The following SUPT20H variants were observed in gnomAD, a reference collection of about 807,000 sequenced individuals.
The protein encoded by SUPT20H is SPT20 homolog, SAGA complex component, also known as transcription factor SPT20 homolog.
A neutral mutation model predicts 122.8 loss-of-function variants in SUPT20H; 82 were observed. That is an observed-to-expected ratio of 0.67 (90% confidence interval 0.56 to 0.80). The LOEUF (loss-of-function observed/expected upper bound fraction) is 0.80, where lower values mean the gene tolerates loss of function less well. Ranked by LOEUF, SUPT20H falls within the 30% of genes least tolerant of loss-of-function variation. The probability of loss-of-function intolerance (pLI) is 0.00; values close to 1 mark genes in which losing one functional copy is unlikely to be tolerated. For synonymous variants in SUPT20H, 291 were observed against 313.0 expected, an observed-to-expected ratio of 0.93 and a Z score of 0.74; for missense variants, 831 against 921.6, an observed-to-expected ratio of 0.90 and a Z score of 1.27.
chr13:37,025,161 C>T (rs762467684), intron 17 of SUPT20H, 159 bp downstream of exon 17: 16 of 611,266 alleles, frequency 2.6e-5, no homozygotes, highest in South Asian at 2.5e-4. Flanking sequence ...AGGCTGGTCT[C>T]GAACTCCCGA....
intron 5 of SUPT20H, among the ~76,000 whole-genome samples, chr13:37,046,113 T>C (rs1409474068): frequency 1.3e-5 from 2 of 152,104 alleles, no homozygotes; most frequent in Non-Finnish European, 2.9e-5. Context: ...TATCTTATAT[T>C]TAGTAAATAT....
chr13:37,044,078 C>G lies in SUPT20H; in HGVS notation c.396G>C (p.Gln132His). The G allele has an allele frequency of 6.2e-7, 1 of 1,605,358 alleles. No individual in the cohort carries two copies. Residue 132 changes from glutamine (Q) to histidine (H), a missense_variant and splice_region_variant, in exon 7 of 26, where the codon CAG (glutamine) becomes CAC (histidine). Physicochemically the swap from Gln to His is conservative, Grantham distance 24. Transcript: ENST00000350612. Reference protein sequence around the residue: ...PILVDLLEKSQVNIFHCGCVI... With the variant: ...PILVDLLEKSHVNIFHCGCVI... Reference sequence around the variant, plus strand: ...CATTTTAAAGACAAAAATTTTGTACCTGAGATTTTTCTAGGAGATCAACCA... The same window carrying G: ...CATTTTAAAGACAAAAATTTTGTACGTGAGATTTTTCTAGGAGATCAACCA...
intron 13 of SUPT20H, among the ~76,000 whole-genome samples, chr13:37,029,432 G>A (rs2062906261): frequency 6.6e-6 from 1 of 152,094 alleles, no homozygotes; most frequent in Non-Finnish European, 1.5e-5. Context: ...AGGAGGCTGA[G>A]GCAGGAGAAT....
chr13:37,045,492 T>A, intron 5 of SUPT20H, 119 bp from the exon 6 acceptor site: 2 of 1,276,442 alleles, frequency 1.6e-6, no homozygotes, highest in Non-Finnish European at 2.1e-6. Flanking sequence ...GCATTATGAT[T>A]CTGAATAAAT....
chr13:37,039,715 A>G (rs989087384), intron 9 of SUPT20H: 2 of 152,122 alleles, frequency 1.3e-5, no homozygotes, highest in Non-Finnish European at 2.9e-5. Flanking sequence ...TAATCTTAAA[A>G]AAAAAAAGTT....
At chr13:37,021,941 A>G (rs922247490) in intron 20 of SUPT20H, 70 bp downstream of exon 20, 2 of 1,484,078 alleles carry the variant, frequency 1.3e-6, no homozygotes, top group Non-Finnish European at 9.0e-7. Flanking sequence ...AATTTCACAC[A>G]TTAAGAATTT....
At chr13:37,057,250 A>T (rs764952787) in intron 1 of SUPT20H, 2 of 151,778 alleles carry the variant, frequency 1.3e-5, no homozygotes, top group Non-Finnish European at 2.9e-5. Flanking sequence ...AGCCATGATC[A>T]CACCACTGTA....
At chr13:37,014,826 G>A (rs978064536) in intron 23 of SUPT20H, among the ~76,000 whole-genome samples, 11 of 152,140 alleles carry the variant, frequency 7.2e-5, no homozygotes, top group Admixed American at 4.6e-4. Flanking sequence ...AAATAAAGAA[G>A]TGACTCTACA....
At chr13:37,029,591 T>C (rs1202562828) in intron 13 of SUPT20H, among the ~76,000 whole-genome samples, 174 bp downstream of exon 13, 1 of 152,110 alleles carries the variant, frequency 6.6e-6, no homozygotes. Context: ...ATGCAAAGCA[T>C]ACTCTGATAA....
At chr13:37,033,309 T>C in intron 10 of SUPT20H, 140 bp downstream of exon 10, 1 of 1,043,918 alleles carries the variant, frequency 9.6e-7, no homozygotes, top group Non-Finnish European at 1.3e-6. Context: ...GAGACTAGCC[T>C]GGGCAACAAA....
chr13:37,026,788 A>G lies in SUPT20H; in HGVS notation c.1178+2T>C. The G allele has an allele frequency of 7.0e-7, 1 of 1,420,888 alleles. No individual in the cohort carries two copies. Among genetic ancestry groups the G allele is most frequent in the Non-Finnish European group, 9.4e-7 (1 of 1,067,208 alleles). 88.0% of individuals were successfully genotyped at this position (1,420,888 alleles called of 1,614,324 possible). ...GATTAAAATAGTTTATTTTTTAATT[A>G]CCAATTTGAATGATCATCTGTGGAC... is the stretch of plus-strand genomic sequence containing the variant. On this transcript the variant is annotated splice_donor_variant, in intron 15 of 25. Coordinates refer to ENST00000350612, the MANE Select transcript of SUPT20H (RefSeq NM_001014286.3). LOFTEE classifies it high-confidence loss of function.
intron 23 of SUPT20H, 120 bp from the exon 24 acceptor site, chr13:37,012,417 G>C: frequency 1.6e-6 from 1 of 618,820 alleles, no homozygotes; most frequent in Non-Finnish European, 2.8e-6. Context: ...CTTGTAAAAA[G>C]AATAACAAGG....
chr13:37,047,423 A>G (rs2066693984), intron 5 of SUPT20H, 112 bp downstream of exon 5: 2 of 1,202,320 alleles, frequency 1.7e-6, no homozygotes, highest in East Asian at 7.3e-5. Flanking sequence ...GGTCAGGTTA[A>G]AAAAGATGTT....
chr13:37,057,856 C>T (rs1046454290), intron 1 of SUPT20H, among the ~76,000 whole-genome samples: 6 of 151,846 alleles, frequency 4.0e-5, no homozygotes, highest in Non-Finnish European at 8.8e-5. Context: ...CACCTGAAAT[C>T]CCAGCTACTC....
chr13:37,031,544 A>T, intron 12 of SUPT20H, 23 bp downstream of exon 12: 4 of 1,480,072 alleles, frequency 2.7e-6, no homozygotes, highest in Non-Finnish European at 3.6e-6. Flanking sequence ...ATATGAAAAA[A>T]AGTAATTCAT....
chr13:37,055,455 T>A (rs2068731888), intron 1 of SUPT20H, among the ~76,000 whole-genome samples: 2 of 152,068 alleles, frequency 1.3e-5, no homozygotes. Context: ...CCCTCAGAAA[T>A]AATGCCACAT....
chr13:37,009,319 AAC>A lies in SUPT20H; in HGVS notation c.*351_*352del, dbSNP rs1205980365. ...AAATAAACAGCCACCACATTTTCAA[AAC>A]AGATTTGTAAAAATTGTATTTGTTA... On this transcript the variant is annotated 3_prime_UTR_variant, in exon 26 of 26. Coordinates refer to ENST00000350612, the MANE Select transcript of SUPT20H (RefSeq NM_001014286.3). 1 of 1,376,984 alleles carries A rather than the reference AAC, an allele frequency of 7.3e-7. No homozygotes were observed. Among genetic ancestry groups the A allele is most frequent in the East Asian group, 2.3e-5 (1 of 43,682 alleles). The allele number at this position is 1,376,984 out of a possible 1,614,324, so 85.3% of individuals were successfully genotyped here.
intron 12 of SUPT20H, among the ~76,000 whole-genome samples, chr13:37,030,517 T>C (rs562704006): frequency 1.3e-5 from 2 of 152,310 alleles, no homozygotes; most frequent in Admixed American, 1.3e-4. Context: ...TTAACTGATA[T>C]CCTAGGTGAT....
At chr13:37,009,880 T>C (rs1378963251) in intron 25 of SUPT20H, 71 bp from the exon 26 acceptor site, 34 of 1,539,992 alleles carry the variant, frequency 2.2e-5, no homozygotes, top group Non-Finnish European at 3.0e-5. Context: ...TTTTCCTGAG[T>C]GACGAAACAA....
Sources: allele counts gnomAD v4.1 joint callset (sites outside exome capture counted in the v4.1 genomes callset), GRCh38; gene constraint gnomAD v4.1.1; transcripts MANE v1.5; gene names NCBI Gene and HGNC (gene_info 2026-07-23, HGNC 2026-07-21).